The following PRKDC variants were observed in gnomAD, a reference collection of about 807,000 sequenced individuals.
The protein encoded by PRKDC is DNA-dependent protein kinase catalytic subunit.
A neutral mutation model predicts 486.9 loss-of-function variants in PRKDC; 82 were observed. The ratio of observed to expected loss-of-function variants is 0.17; its 90% CI spans 0.14 to 0.20. The LOEUF (loss-of-function observed/expected upper bound fraction) is 0.20, where lower values mean the gene tolerates loss of function less well. Among genes scored for constraint, PRKDC ranks in the 10% least tolerant of loss-of-function variants. The probability of loss-of-function intolerance (pLI) is 1.00; values close to 1 mark genes in which losing one functional copy is unlikely to be tolerated. For missense variants in PRKDC, 4,504 were observed against 5,038.2 expected (o/e 0.89, Z 3.21); for synonymous variants, 1,895 against 1,837.0 (o/e 1.03, Z -0.81).
At chr8:47,792,030 C>G (rs1174453966) in intron 74 of PRKDC, among the ~76,000 whole-genome samples, 1 of 151,992 alleles carries the variant, frequency 6.6e-6, no homozygotes. Context: ...AGAATGAGAT[C>G]CTGTCACTTG....
chr8:47,823,042 C>A (rs114783952), intron 64 of PRKDC, among the ~76,000 whole-genome samples: 4 of 152,030 alleles, frequency 2.6e-5, no homozygotes, highest in Admixed American at 6.5e-5. Flanking sequence ...GGGGGCAGAT[C>A]CCTCATGAAT....
chr8:47,908,374 T>C (rs1215684971), intron 25 of PRKDC, among the ~76,000 whole-genome samples: 1 of 152,232 alleles, frequency 6.6e-6, no homozygotes, highest in African/African-American at 2.4e-5. Context: ...CAGTAGTATG[T>C]TGCACATTAT....
At chr8:47,793,865 G>A (rs558309665) in intron 74 of PRKDC, among the ~76,000 whole-genome samples, 2 of 152,168 alleles carry the variant, frequency 1.3e-5, no homozygotes, top group Admixed American at 6.5e-5. Context: ...TGAAATAGTT[G>A]CGCACTACTG....
chr8:47,931,136 A>AC (rs1295341568), intron 16 of PRKDC, among the ~76,000 whole-genome samples: 1 of 152,200 alleles, frequency 6.6e-6, no homozygotes, highest in Non-Finnish European at 1.5e-5. Context: ...AAATAGAGAA[A>AC]TTATTAACAG....
At chr8:47,835,785 C>A (rs2088007783) in intron 58 of PRKDC, among the ~76,000 whole-genome samples, 1 of 150,282 alleles carries the variant, frequency 6.7e-6, no homozygotes, top group Non-Finnish European at 1.5e-5. Context: ...TTTTTTGAGA[C>A]AGGGCCTTGC....
chr8:47,834,082 G>A, intron 59 of PRKDC, 114 bp downstream of exon 59: 1 of 1,351,278 alleles, frequency 7.4e-7, no homozygotes, highest in Non-Finnish European at 1.0e-6. Context: ...ATTTTAAAGG[G>A]CTTGATTACG....
In PRKDC at chr8:47,860,997, G is replaced by A. The variant is rs868233987; in HGVS notation, c.5986-26C>T. 2.0e-6 allele frequency: 3 copies of A among 1,463,632 alleles called. No homozygotes were observed. In the Middle Eastern group the frequency reaches 5.2e-4, roughly 255 times the overall value. 90.7% of individuals were successfully genotyped at this position (1,463,632 alleles called of 1,614,324 possible). ...CTATTGGGAAGAACAAATAAACAAT[G>A]TAAAACATTTTATAATAATAGTGAT... On this transcript the variant is annotated intron_variant, in intron 44 of 85. Transcript: ENST00000314191.
rs570423449 is a variant in PRKDC at position 47,794,632 on chromosome 8, C to T, written c.10459-131G>A. The T allele has an allele frequency of 1.1e-4, 86 of 777,744 alleles. No individual in the cohort carries two copies. The African/African-American group carries it at 1.3e-3, about 12-fold the overall frequency. 48.2% of individuals were successfully genotyped at this position (777,744 alleles called of 1,614,324 possible). ...AAGTACAAAACAAGTCTTCCATCCC[C>T]TAGCTCTCTTCTGCTGCGGCAACCA... On this transcript the variant is annotated intron_variant, in intron 73 of 85. Transcript: ENST00000314191.
chr8:47,804,500 A>C (rs146160864), intron 69 of PRKDC, among the ~76,000 whole-genome samples: 1 of 151,982 alleles, frequency 6.6e-6, no homozygotes. Flanking sequence ...GAGTTTCGCC[A>C]TGTTGGCCAG....
chr8:47,783,264 TGA>T, intron 78 of PRKDC, among the ~76,000 whole-genome samples: 1 of 125,534 alleles, frequency 8.0e-6, no homozygotes, highest in East Asian at 2.3e-4. Context: ...GCTGACAGAA[TGA>T]GACTCTTGTC....
intron 21 of PRKDC, among the ~76,000 whole-genome samples, chr8:47,921,425 A>G (rs1030691126): frequency 2.0e-5 from 3 of 152,184 alleles, no homozygotes; most frequent in African/African-American, 2.4e-5. Context: ...GACTGAGTTA[A>G]TGGATACTTT....
chr8:47,845,395 T>G (rs1264666138), intron 54 of PRKDC, among the ~76,000 whole-genome samples: 1 of 151,918 alleles, frequency 6.6e-6, no homozygotes, highest in Non-Finnish European at 1.5e-5. Flanking sequence ...GCTAGATCAA[T>G]AGAGGGAGAC....
At chr8:47,950,841 A>G (rs2090615541) in intron 7 of PRKDC, among the ~76,000 whole-genome samples, 1 of 151,450 alleles carries the variant, frequency 6.6e-6, no homozygotes, top group Admixed American at 6.6e-5. Flanking sequence ...GGAGCCAGGC[A>G]TGGTGGTGCC....
chr8:47,809,394 A>G (rs1342027469), intron 68 of PRKDC, among the ~76,000 whole-genome samples: 1 of 152,208 alleles, frequency 6.6e-6, no homozygotes. Flanking sequence ...TACTGGATTA[A>G]CATTTCAATA....
rs746565959 is a variant in PRKDC at position 47,782,695 on chromosome 8, C to T, written c.11176-97G>A. 1.0e-5 allele frequency: 14 copies of T among 1,357,670 alleles called. No individual in the cohort carries two copies. Among genetic ancestry groups the T allele is most frequent in the East Asian group, 1.0e-4 (4 of 39,758 alleles). 84.1% of individuals were successfully genotyped at this position (1,357,670 alleles called of 1,614,324 possible). ...GGCTGTGAGCATTCCTCCGTGGGGCCGCCCTCTGAAGACAGTGCCAAAGAG... is the reference window on the plus strand; with the variant it reads ...GGCTGTGAGCATTCCTCCGTGGGGCTGCCCTCTGAAGACAGTGCCAAAGAG... On this transcript the variant is annotated intron_variant, in intron 78 of 85. Coordinates refer to ENST00000314191, the MANE Select transcript of PRKDC (RefSeq NM_006904.7). This position sits in a 1 kb window ranked among gnomAD's most constrained non-coding sequence, Gnocchi z 4.9.
chr8:47,955,017 G>A (rs1226300550), intron 4 of PRKDC, among the ~76,000 whole-genome samples: 3 of 151,868 alleles, frequency 2.0e-5, no homozygotes, highest in African/African-American at 4.8e-5. Flanking sequence ...AGCCAGGCAT[G>A]GTGGCACATG....
intron 16 of PRKDC, among the ~76,000 whole-genome samples, chr8:47,932,372 C>T (rs990831936): frequency 2.0e-5 from 3 of 152,144 alleles, no homozygotes; most frequent in South Asian, 2.1e-4. Context: ...CATGAGCCAC[C>T]GCGCCTGGCC....
At chr8:47,814,058 T>A (rs2087390328) in intron 68 of PRKDC, among the ~76,000 whole-genome samples, 1 of 152,202 alleles carries the variant, frequency 6.6e-6, no homozygotes, top group South Asian at 2.1e-4. Flanking sequence ...ACCCTAAGAA[T>A]GCAAGATTGG....
At chr8:47,930,091 A>G in intron 17 of PRKDC, 79 bp from the exon 18 acceptor site, 1 of 1,259,324 alleles carries the variant, frequency 7.9e-7, no homozygotes, top group Non-Finnish European at 1.1e-6. Flanking sequence ...TAATCGAACA[A>G]CTAAGCTACA....
Sources: allele counts gnomAD v4.1 joint callset (sites outside exome capture counted in the v4.1 genomes callset), GRCh38; gene constraint gnomAD v4.1.1; non-coding constraint Gnocchi (gnomAD v3.1); transcripts MANE v1.5; gene names NCBI Gene and HGNC (gene_info 2026-07-23, HGNC 2026-07-21).